Variants in GGNBP2 observed in about 807,000 individuals in gnomAD.
GGNBP2 encodes gametogenetin-binding protein 2.
Under a neutral mutation model 85.9 loss-of-function variants are expected in GGNBP2, and 10 were observed. That is an observed-to-expected ratio of 0.12 (90% CI 0.07 to 0.20). The LOEUF (loss-of-function observed/expected upper bound fraction) is 0.20. Ranked by LOEUF, GGNBP2 falls within the 10% of genes least tolerant of loss-of-function variation. GGNBP2 has a pLI of 1.00. For synonymous variants in GGNBP2, 287 were observed against 285.7 expected (o/e 1.00, Z -0.05); for missense variants, 595 against 857.8 (o/e 0.69, Z 3.83).
At chr17:36,552,982 A>G (rs867504099) in intron 2 of GGNBP2, among the ~76,000 whole-genome samples, 1 of 144,746 alleles carries the variant, frequency 6.9e-6, no homozygotes, top group Admixed American at 7.5e-5. Context: ...AGATTGTGCC[A>G]CTGCACTCCA....
chr17:36,553,136 A>G (rs1305801478), intron 2 of GGNBP2, among the ~76,000 whole-genome samples: 1 of 152,118 alleles, frequency 6.6e-6, no homozygotes, highest in Non-Finnish European at 1.5e-5. Context: ...AATATATAGT[A>G]TATATGCATT....
chr17:36,578,961 A>C, intron 7 of GGNBP2: 1 of 309,452 alleles, frequency 3.2e-6, no homozygotes, highest in Non-Finnish European at 6.0e-6. Context: ...TATGAGCTGG[A>C]CACTTCTATG....
At chr17:36,566,164 C>T (rs776632729) in intron 5 of GGNBP2, among the ~76,000 whole-genome samples, 6 of 152,094 alleles carry the variant, frequency 3.9e-5, no homozygotes, top group Non-Finnish European at 8.8e-5. Flanking sequence ...CTGAGACCTG[C>T]AGAAGAACAG....
chr17:36,551,194 C>T (rs1244953437), intron 2 of GGNBP2, among the ~76,000 whole-genome samples: 7 of 149,422 alleles, frequency 4.7e-5, no homozygotes. Context: ...TAAAAATAAC[C>T]GTGTTCTTTA....
chr17:36,579,748 C>T (rs1223352720), intron 8 of GGNBP2, among the ~76,000 whole-genome samples: 7 of 152,204 alleles, frequency 4.6e-5, no homozygotes, highest in Non-Finnish European at 8.8e-5. Context: ...TGGTGGCTTA[C>T]GCCTGTAATC....
At chr17:36,573,391 C>T (rs2074546026) in intron 6 of GGNBP2, among the ~76,000 whole-genome samples, 1 of 152,054 alleles carries the variant, frequency 6.6e-6, no homozygotes, top group Non-Finnish European at 1.5e-5. Context: ...GGGATTACCG[C>T]ACCTGGCTAT....
At chr17:36,547,116 TTG>T (rs1263926518) in intron 2 of GGNBP2, 3 of 152,216 alleles carry the variant, frequency 2.0e-5, no homozygotes, top group South Asian at 2.1e-4. Flanking sequence ...GCATTAGAAA[TTG>T]TGTGTCTTGA....
intron 4 of GGNBP2, 105 bp downstream of exon 4, chr17:36,557,441 A>C: frequency 3.1e-6 from 3 of 976,148 alleles, no homozygotes; most frequent in South Asian, 3.1e-5. Flanking sequence ...TGATTTAATA[A>C]TTTTATTGAG....
At chr17:36,574,912 G>C in intron 6 of GGNBP2, 1 of 908,330 alleles carries the variant, frequency 1.1e-6, no homozygotes, top group Non-Finnish European at 1.7e-6. Context: ...CCTCCTTGGA[G>C]CACTTAACAC....
At chr17:36,551,111 G>A (rs1471027998) in intron 2 of GGNBP2, among the ~76,000 whole-genome samples, 1 of 152,054 alleles carries the variant, frequency 6.6e-6, no homozygotes, top group Non-Finnish European at 1.5e-5. Flanking sequence ...AGGAAAGATA[G>A]AAATAGATTA....
intron 6 of GGNBP2, chr17:36,576,593 A>ATGTGTGTGTGTGTG (rs1401978308): frequency 3.0e-4 from 14 of 46,036 alleles, no homozygotes; most frequent in Non-Finnish European, 5.3e-4. Flanking sequence ...AAATATATAT[A>ATGTGTGTGTGTGTG]TATGTGTGTG....
In GGNBP2 at chr17:36,589,243, T is replaced by C; in HGVS notation, c.1926T>C (p.Phe642=). 3 of 1,613,308 alleles carry C rather than the reference T, an allele frequency of 1.9e-6. No homozygotes were observed. Among genetic ancestry groups the C allele is most frequent in the African/African-American group, 1.3e-5 (1 of 75,056 alleles). The change falls in exon 14 of 14, where the codon TTT becomes TTC. Residue 642 remains phenylalanine, a synonymous_variant. Coordinates refer to ENST00000613102, the MANE Select transcript of GGNBP2 (RefSeq NM_024835.5). ...AATGTACTTCAGATGAGGAAATCTT[T>C]ATCTCACAAGATGAAATACAGTCAT... The part of the protein sequence containing the change: ...ESECTSDEEI[F]ISQDEIQSFM...
intron 6 of GGNBP2, among the ~76,000 whole-genome samples, chr17:36,570,017 TC>T (rs1167069533): frequency 2.0e-5 from 3 of 152,190 alleles, no homozygotes; most frequent in African/African-American, 7.2e-5. Flanking sequence ...TTGTATTGCA[TC>T]TGGATTCTAC....
intron 5 of GGNBP2, among the ~76,000 whole-genome samples, chr17:36,565,754 G>C (rs1300585497): frequency 1.3e-5 from 2 of 152,272 alleles, no homozygotes; most frequent in East Asian, 3.9e-4. Context: ...AAATTAGCCA[G>C]GTGTGGTAGC....
intron 10 of GGNBP2, 154 bp downstream of exon 10, chr17:36,585,604 C>T (rs1443530104): frequency 3.1e-6 from 2 of 635,932 alleles, no homozygotes; most frequent in Non-Finnish European, 5.2e-6. Context: ...TTAATATTTC[C>T]TTTTTCTTTA....
chr17:36,589,662 T>A lies in GGNBP2; in HGVS notation c.*251T>A. ...TTTTCATTAAATGTTTCTCTTCCTG[T>A]GAGACTTACTAAAGCAACTTAGTGG... On this transcript the variant is annotated 3_prime_UTR_variant, in exon 14 of 14. Transcript: ENST00000613102. 1 of 502,672 alleles carries A rather than the reference T, an allele frequency of 2.0e-6. No individual in the cohort carries two copies. Among genetic ancestry groups the A allele is most frequent in the Non-Finnish European group, 3.5e-6 (1 of 284,950 alleles). 31.1% of individuals were successfully genotyped at this position (502,672 alleles called of 1,614,324 possible).
At chr17:36,580,427 T>A (rs2074636515) in intron 8 of GGNBP2, among the ~76,000 whole-genome samples, 1 of 151,580 alleles carries the variant, frequency 6.6e-6, no homozygotes, top group African/African-American at 2.4e-5. Context: ...GTTAGGATGG[T>A]CTCAATCTCC....
At chr17:36,580,172 G>A (rs146007192) in intron 8 of GGNBP2, among the ~76,000 whole-genome samples, 1,930 of 151,750 alleles carry the variant, frequency 0.013, 11 homozygotes, top group Non-Finnish European at 0.02. Flanking sequence ...GAATGCCATG[G>A]TATAAGGACT....
chr17:36,583,327 C>T (rs2074669887), intron 9 of GGNBP2, among the ~76,000 whole-genome samples: 1 of 152,162 alleles, frequency 6.6e-6, no homozygotes, highest in African/African-American at 2.4e-5. Context: ...GCTGGGATTA[C>T]AGGTGTGAGC....
Sources: allele counts gnomAD v4.1 joint callset (sites outside exome capture counted in the v4.1 genomes callset), GRCh38; gene constraint gnomAD v4.1.1; transcripts MANE v1.5; gene names NCBI Gene and HGNC (gene_info 2026-07-23, HGNC 2026-07-21).